Variants in VPS13B observed in about 807,000 individuals in gnomAD.
VPS13B encodes intermembrane lipid transfer protein VPS13B.
VPS13B carries 285 observed loss-of-function variants against 426.4 expected under a neutral mutation model. That is an observed-to-expected ratio of 0.67 (90% CI 0.61 to 0.74). VPS13B has a LOEUF of 0.74. VPS13B is among the 30% of genes least tolerant of loss of function. The pLI is 0.00. For missense variants in VPS13B, 4,537 were observed against 4,782.6 expected (o/e 0.95, Z 1.51); for synonymous variants, 1,676 against 1,676.4 (o/e 1.00, Z 0.01).
At chr8:99,621,415 A>G (rs139052391) in intron 33 of VPS13B, among the ~76,000 whole-genome samples, 50 of 152,288 alleles carry the variant, frequency 3.3e-4, no homozygotes, top group Middle Eastern at 3.4e-3. Context: ...CTCCCCTGCT[A>G]TATATAATCT....
At chr8:99,727,401 GT>G in intron 39 of VPS13B, among the ~76,000 whole-genome samples, 1 of 152,322 alleles carries the variant, frequency 6.6e-6, no homozygotes, top group East Asian at 1.9e-4. Flanking sequence ...GTATTAGTCT[GT>G]TTTCACACTG....
chr8:99,631,385 G>T (rs1828840027), intron 33 of VPS13B, among the ~76,000 whole-genome samples: 1 of 152,056 alleles, frequency 6.6e-6, no homozygotes, highest in South Asian at 2.1e-4. Flanking sequence ...CTGATTAATG[G>T]TTTGGCTTGT....
At position 99,431,722 on chromosome 8, in the gene VPS13B, A is replaced by G. The variant is rs1055658675; in HGVS notation, c.3210+58A>G. 2.7e-5 allele frequency: 42 copies of G among 1,549,840 alleles called. No individual in the cohort carries two copies. The East Asian group carries it at 3.8e-4, about 14-fold the overall frequency. On this transcript the variant is annotated intron_variant, in intron 22 of 61. Coordinates refer to ENST00000357162, the MANE Select transcript of VPS13B (RefSeq NM_152564.5). ...ATTTCTATAATCCTTTTTAATTCCC[A>G]GCATTGTTAATATTGGTAAGACTTT...
rs775506296 is a variant in VPS13B at position 99,720,377 on chromosome 8, A to T, written c.6690A>T (p.Leu2230Phe). 45 of 1,613,460 alleles carry T rather than the reference A, an allele frequency of 2.8e-5. No individual in the cohort carries two copies. The highest frequency in any genetic ancestry group is 3.5e-5 in the Non-Finnish European group (41 of 1,179,876). The change falls in exon 38 of 62, where the codon TTA becomes TTT. Residue 2230 changes from leucine to phenylalanine, a missense_variant. Coordinates refer to ENST00000357162, the MANE Select transcript of VPS13B (RefSeq NM_152564.5). ...VFWGQEHLNC[L>F]VLLHELLNGY... ...GGGGTCAAGAACATTTGAATTGTTT[A>T]GTTCTTCTACATGAATTACTCAATG...
chr8:99,708,630 A>G (rs1021323856), intron 36 of VPS13B, among the ~76,000 whole-genome samples: 5 of 152,240 alleles, frequency 3.3e-5, no homozygotes, highest in African/African-American at 1.2e-4. Flanking sequence ...GAAGGGAAAC[A>G]TGTTAGTAGC....
chr8:99,038,674 A>G (rs1374831422), intron 3 of VPS13B, 108 bp downstream of exon 3: 2 of 448,210 alleles, frequency 4.5e-6, no homozygotes, highest in Non-Finnish European at 7.5e-6. Context: ...ATCTTAGCTT[A>G]TATACTTTTT....
rs527568818 is a variant in VPS13B at position 99,617,532 on chromosome 8, G to A, written c.5221-24279G>A. ...AGTAGAGATGGGGTTTCACCAGGTT[G>A]GCCAGGCTGGTCTCGAACTCCTGAC... On this transcript the variant is annotated intron_variant, in intron 33 of 61. Coordinates refer to ENST00000357162, the MANE Select transcript of VPS13B (RefSeq NM_152564.5). 1.1e-4 allele frequency among the ~76,000 whole-genome samples: 17 copies of A among 152,190 alleles called. No individual in the cohort carries two copies. The East Asian group carries it at 3.1e-3, about 28-fold the overall frequency.
intron 21 of VPS13B, among the ~76,000 whole-genome samples, chr8:99,415,170 T>A (rs3134182): frequency 2.0e-5 from 3 of 151,278 alleles, no homozygotes; most frequent in South Asian, 2.1e-4. Flanking sequence ...CTTCAATCTC[T>A]GATATCCTTT....
chr8:99,223,779 A>C lies in VPS13B; in HGVS notation c.2515+30722A>C, dbSNP rs565026411. ...AATTGAATAGAGATGCATTCAAAGA[A>C]TGTATTAAGATTATTCTAAATATTA... On this transcript the variant is annotated intron_variant, in intron 17 of 61. Transcript: ENST00000357162. Among the ~76,000 whole-genome samples the C allele has an allele frequency of 6.5e-4, 99 of 152,354 alleles. 2 individuals are homozygous for C. In the South Asian group the frequency reaches 0.02, roughly 31 times the overall value.
intron 53 of VPS13B, 44 bp from the exon 54 acceptor site, chr8:99,835,495 G>A (rs773503172): frequency 6.3e-7 from 1 of 1,593,598 alleles, no homozygotes; most frequent in South Asian, 1.1e-5. Context: ...CCAAGTCTCT[G>A]TCTTTAAGGG....
chr8:99,558,633 C>T (rs1824720128), intron 31 of VPS13B, among the ~76,000 whole-genome samples: 1 of 151,716 alleles, frequency 6.6e-6, no homozygotes, highest in Admixed American at 6.6e-5. Context: ...TTGTTCAATT[C>T]CCACCTATGA....
chr8:99,064,530 A>G (rs181993682), intron 3 of VPS13B, among the ~76,000 whole-genome samples: 31 of 152,338 alleles, frequency 2.0e-4, no homozygotes, highest in African/African-American at 6.3e-4. Flanking sequence ...CGAATTAATG[A>G]AATAAAATGA....
intron 17 of VPS13B, among the ~76,000 whole-genome samples, chr8:99,273,494 C>G (rs189857207): frequency 6.6e-6 from 1 of 151,962 alleles, no homozygotes; most frequent in Non-Finnish European, 1.5e-5. Context: ...GTTTAAATGT[C>G]TCCACCTAGG....
intron 33 of VPS13B, among the ~76,000 whole-genome samples, chr8:99,577,938 A>G (rs1277809406): frequency 6.6e-6 from 1 of 152,132 alleles, no homozygotes; most frequent in Non-Finnish European, 1.5e-5. Context: ...GAATCCTGGT[A>G]TAGCTTTCAT....
At chr8:99,405,986 G>C (rs925119677) in intron 21 of VPS13B, among the ~76,000 whole-genome samples, 2 of 151,916 alleles carry the variant, frequency 1.3e-5, no homozygotes, top group African/African-American at 4.8e-5. Flanking sequence ...CACCATATTG[G>C]CCAGGCTGGT....
rs377691528 is a variant in VPS13B, at chr8:99,867,546, G to A, written c.11216-743G>A. Reference sequence around the variant, plus strand: ...AGCCTGTTTTATAAATGGGATAAGCGAGTATCTTGGTGGTTAAGAGCTATG... The same window carrying A: ...AGCCTGTTTTATAAATGGGATAAGCAAGTATCTTGGTGGTTAAGAGCTATG... On this transcript the variant is annotated intron_variant, in intron 58 of 61. Coordinates refer to ENST00000357162, the MANE Select transcript of VPS13B (RefSeq NM_152564.5). Among the ~76,000 whole-genome samples the A allele has an allele frequency of 7.2e-5, 11 of 152,308 alleles. No homozygotes were observed. In the South Asian group the frequency reaches 1.0e-3, roughly 14 times the overall value.
At chr8:99,480,371 A>G (rs1381086560) in intron 24 of VPS13B, among the ~76,000 whole-genome samples, 2 of 152,214 alleles carry the variant, frequency 1.3e-5, no homozygotes, top group African/African-American at 2.4e-5. Flanking sequence ...TAAAAGCAGC[A>G]TCATTTCTCT....
intron 16 of VPS13B, among the ~76,000 whole-genome samples, chr8:99,191,873 A>T (rs891231891): frequency 1.4e-4 from 22 of 152,122 alleles, no homozygotes; most frequent in African/African-American, 5.3e-4. Context: ...TGTACATTGA[A>T]TTGGTCTCCA....
chr8:99,038,027 T>C (rs1842823216), intron 2 of VPS13B, among the ~76,000 whole-genome samples: 1 of 152,106 alleles, frequency 6.6e-6, no homozygotes, highest in South Asian at 2.1e-4. Flanking sequence ...TGCTGCTATA[T>C]ACTGTTGCAC....
Sources: allele counts gnomAD v4.1 joint callset (sites outside exome capture counted in the v4.1 genomes callset), GRCh38; gene constraint gnomAD v4.1.1; transcripts MANE v1.5; gene names NCBI Gene and HGNC (gene_info 2026-07-23, HGNC 2026-07-21).